Variants in MBNL1 observed in about 807,000 individuals in gnomAD.
The protein encoded by MBNL1 is muscleblind like splicing regulator 1.
MBNL1 carries 8 observed loss-of-function variants against 42.2 expected under a neutral mutation model. The observed-to-expected ratio is 0.19, with a 90% CI of 0.11 to 0.34. The LOEUF (loss-of-function observed/expected upper bound fraction) is 0.34, where lower values mean the gene tolerates loss of function less well. Ranked by LOEUF, MBNL1 falls within the 10% of genes least tolerant of loss-of-function variation. The probability of loss-of-function intolerance (pLI) is 1.00; values close to 1 mark genes in which losing one functional copy is unlikely to be tolerated. For synonymous variants in MBNL1, 169 were observed against 173.9 expected, an observed-to-expected ratio of 0.97 and a Z score of 0.22; for missense variants, 309 against 495.3, an observed-to-expected ratio of 0.62 and a Z score of 3.57.
At chr3:152,386,954 CAGGT>C (rs2097457598) in intron 2 of MBNL1, among the ~76,000 whole-genome samples, 2 of 152,034 alleles carry the variant, frequency 1.3e-5, no homozygotes, top group African/African-American at 4.8e-5. Context: ...AATGTTGAAG[CAGGT>C]ATTTGGTAAG....
chr3:152,432,493 A>G lies in MBNL1; in HGVS notation c.346-224A>G, dbSNP rs550079660. Among the ~76,000 whole-genome samples, 3 of 152,322 alleles carry G rather than the reference A, an allele frequency of 2.0e-5. 1 individual carries two copies. Among genetic ancestry groups the G allele is most frequent in the African/African-American group, 7.2e-5 (3 of 41,584 alleles). Reference sequence around the variant, plus strand: ...CTACAAAATTCCAGTGAATAATTTAATGGATATTTTACTTATTATATTTTA... The same window carrying G: ...CTACAAAATTCCAGTGAATAATTTAGTGGATATTTTACTTATTATATTTTA... On this transcript the variant is annotated intron_variant, in intron 3 of 9. Transcript: ENST00000324210.
At chr3:152,249,447 C>A (rs1270969042) in intron 2 of MBNL1, among the ~76,000 whole-genome samples, 1 of 105,698 alleles carries the variant, frequency 9.5e-6, no homozygotes, top group Non-Finnish European at 2.2e-5. Flanking sequence ...TATCCTTTGC[C>A]CACTTTTTAA....
At chr3:152,366,057 A>C (rs937898494) in intron 2 of MBNL1, among the ~76,000 whole-genome samples, 1 of 152,154 alleles carries the variant, frequency 6.6e-6, no homozygotes, top group Non-Finnish European at 1.5e-5. Flanking sequence ...AGAATGAAGT[A>C]GTTGGCTTAA....
At chr3:152,259,500 A>T (rs1427105511) in intron 2 of MBNL1, among the ~76,000 whole-genome samples, 1 of 152,220 alleles carries the variant, frequency 6.6e-6, no homozygotes, top group Non-Finnish European at 1.5e-5. Flanking sequence ...TTTTATTTTC[A>T]AATATTAATC....
chr3:152,261,417 G>A (rs2036253624), intron 2 of MBNL1, among the ~76,000 whole-genome samples: 1 of 152,196 alleles, frequency 6.6e-6, no homozygotes, highest in South Asian at 2.1e-4. Context: ...GGGTTGGCAA[G>A]TCTGGGAAGG....
At chr3:152,321,248 C>T (rs1239451663) in intron 2 of MBNL1, among the ~76,000 whole-genome samples, 2 of 152,050 alleles carry the variant, frequency 1.3e-5, no homozygotes, top group Non-Finnish European at 2.9e-5. Context: ...TTTAGTACTT[C>T]AGGCTCATTA....
At chr3:152,329,391 G>A (rs755619865) in intron 2 of MBNL1, among the ~76,000 whole-genome samples, 5 of 151,932 alleles carry the variant, frequency 3.3e-5, no homozygotes, top group Admixed American at 6.6e-5. Context: ...CATTTCTGAG[G>A]CCAAGGCAGG....
At chr3:152,420,383 G>T (rs1347476289) in intron 3 of MBNL1, among the ~76,000 whole-genome samples, 1 of 152,148 alleles carries the variant, frequency 6.6e-6, no homozygotes, top group East Asian at 1.9e-4. Flanking sequence ...CTGGCATCTG[G>T]TGGATGCCCC....
chr3:152,377,592 A>G (rs1464372528), intron 2 of MBNL1, among the ~76,000 whole-genome samples: 2 of 152,236 alleles, frequency 1.3e-5, no homozygotes, highest in Non-Finnish European at 1.5e-5. Context: ...TGTTGTCATT[A>G]TGTGTTCAAA....
At chr3:152,276,163 C>A (rs1426607) in intron 1 of MBNL1, among the ~76,000 whole-genome samples, 10,764 of 152,114 alleles carry the variant, frequency 0.071, 504 homozygotes, top group Middle Eastern at 0.16. Flanking sequence ...TTCCAATGTT[C>A]ATGTTTTTAA....
chr3:152,290,594 C>T (rs1220529864), intron 1 of MBNL1, among the ~76,000 whole-genome samples: 1 of 152,042 alleles, frequency 6.6e-6, no homozygotes, highest in African/African-American at 2.4e-5. Flanking sequence ...TAGGGATGCA[C>T]AGATGAATTT....
chr3:152,404,123 G>A (rs945352608), intron 2 of MBNL1, among the ~76,000 whole-genome samples: 1 of 152,264 alleles, frequency 6.6e-6, no homozygotes, highest in South Asian at 2.1e-4. Flanking sequence ...TTTTCAGTTA[G>A]GGAATCTCAC....
At chr3:152,324,123 A>C (rs1577921658) in intron 2 of MBNL1, among the ~76,000 whole-genome samples, 1 of 152,328 alleles carries the variant, frequency 6.6e-6, no homozygotes, top group East Asian at 1.9e-4. Context: ...TTAGCAGGAA[A>C]TCACTTACTA....
At chr3:152,337,625 C>CA (rs1255178970) in intron 2 of MBNL1, among the ~76,000 whole-genome samples, 1,118 of 75,588 alleles carry the variant, frequency 0.015, 4 homozygotes, top group African/African-American at 0.043. Context: ...GATTCCATCT[C>CA]AAAAAAAAAA....
intron 2 of MBNL1, among the ~76,000 whole-genome samples, chr3:152,333,226 G>A (rs891037750): frequency 1.7e-4 from 26 of 152,136 alleles, no homozygotes; most frequent in African/African-American, 5.6e-4. Flanking sequence ...TAATGCCTCC[G>A]AAGATAAGAT....
intron 2 of MBNL1, among the ~76,000 whole-genome samples, chr3:152,331,159 C>T (rs2084194651): frequency 6.6e-6 from 1 of 151,840 alleles, no homozygotes; most frequent in Admixed American, 6.6e-5. Flanking sequence ...CTTCTCTTTT[C>T]ATACTCACAC....
chr3:152,418,244 G>C (rs1242746685), intron 3 of MBNL1, among the ~76,000 whole-genome samples: 1 of 152,164 alleles, frequency 6.6e-6, no homozygotes, highest in Non-Finnish European at 1.5e-5. Flanking sequence ...TAAGAAGTTT[G>C]CTCAGGTTAC....
chr3:152,293,656 C>A (rs2057203810), intron 1 of MBNL1, among the ~76,000 whole-genome samples: 1 of 152,104 alleles, frequency 6.6e-6, no homozygotes, highest in Admixed American at 6.6e-5. Flanking sequence ...TAAACGACCT[C>A]AAAAAATTAC....
chr3:152,431,680 C>G (rs1041262370), intron 3 of MBNL1, among the ~76,000 whole-genome samples: 1 of 152,116 alleles, frequency 6.6e-6, no homozygotes. Flanking sequence ...TCCGTTTTGC[C>G]TACAAGCTTT....
Sources: gnomAD v4.1 joint callset for allele counts (sites outside exome capture counted in the v4.1 genomes callset) on GRCh38, gnomAD v4.1.1 for gene constraint, MANE v1.5 for transcripts, NCBI Gene and HGNC (gene_info 2026-07-23, HGNC 2026-07-21) for gene names.